USH2A: variants seen among roughly 807,000 people sequenced by gnomAD.
USH2A encodes the protein usherin, also known as Usher syndrome 2A (autosomal recessive, mild).
In USH2A, 443 loss-of-function variants were observed where a neutral mutation model predicts 538.9. The observed-to-expected ratio is 0.82, with a 90% CI of 0.76 to 0.89. USH2A has a LOEUF of 0.89. Among genes scored for constraint, USH2A ranks in the 40% least tolerant of loss-of-function variants. USH2A has a pLI of 0.00. For synonymous variants in USH2A, 2,413 were observed against 2,273.5 expected (o/e 1.06, Z -1.75); for missense variants, 6,633 against 6,324.8 (o/e 1.05, Z -1.65).
intron 4 of USH2A, among the ~76,000 whole-genome samples, chr1:216,339,005 T>C (rs2038025797): frequency 1.3e-5 from 2 of 151,618 alleles, no homozygotes; most frequent in African/African-American, 4.8e-5. Context: ...AAGCCTATGA[T>C]ACCTTTCACT....
chr1:215,835,263 G>C (rs1335716572), intron 47 of USH2A, among the ~76,000 whole-genome samples: 1 of 150,426 alleles, frequency 6.6e-6, no homozygotes, highest in Non-Finnish European at 1.5e-5. Context: ...CAGAGGACAA[G>C]TTGTTTTTAC....
chr1:215,968,004 G>A (rs1469857770), intron 36 of USH2A, among the ~76,000 whole-genome samples: 1 of 152,068 alleles, frequency 6.6e-6, no homozygotes. Flanking sequence ...GCTAAGTGGG[G>A]AGTAAGAAAG....
At chr1:215,894,049 A>G (rs543583448) in intron 40 of USH2A, among the ~76,000 whole-genome samples, 34 of 152,276 alleles carry the variant, frequency 2.2e-4, no homozygotes, top group Middle Eastern at 3.4e-3. Context: ...ATTTTTGATC[A>G]TGGGTCTTCT....
chr1:215,960,195 AAAT>A (rs1667165285), intron 37 of USH2A, among the ~76,000 whole-genome samples: 1 of 152,058 alleles, frequency 6.6e-6, no homozygotes, highest in Non-Finnish European at 1.5e-5. Context: ...AAGCTCTGTA[AAAT>A]AATGATGTAA....
intron 35 of USH2A, among the ~76,000 whole-genome samples, chr1:215,978,925 A>G (rs1667684598): frequency 6.6e-6 from 1 of 152,226 alleles, no homozygotes; most frequent in African/African-American, 2.4e-5. Flanking sequence ...GGTTCAGTAA[A>G]GGTATCCCAA....
chr1:215,723,016 T>C (rs573965434), intron 61 of USH2A, among the ~76,000 whole-genome samples: 1 of 152,274 alleles, frequency 6.6e-6, no homozygotes, highest in African/African-American at 2.4e-5. Flanking sequence ...AACTCCTGCA[T>C]GCCAAGCAAG....
intron 3 of USH2A, among the ~76,000 whole-genome samples, chr1:216,401,663 T>C (rs2039307449): frequency 6.6e-6 from 1 of 151,980 alleles, no homozygotes; most frequent in East Asian, 1.9e-4. Context: ...AACTATCAAA[T>C]AGCATAGATT....
chr1:216,323,740 T>C, intron 7 of USH2A, 45 bp from the exon 8 acceptor site: 1 of 1,595,046 alleles, frequency 6.3e-7, no homozygotes, highest in South Asian at 1.1e-5. Context: ...TATTCACATT[T>C]TTGGCAAAAC....
intron 11 of USH2A, among the ~76,000 whole-genome samples, chr1:216,279,151 G>T (rs2036724802): frequency 6.6e-6 from 1 of 151,894 alleles, no homozygotes; most frequent in African/African-American, 2.4e-5. Context: ...GCTTTATTGA[G>T]CATTACAATC....
chr1:215,955,087 T>C (rs1016267916), intron 37 of USH2A, among the ~76,000 whole-genome samples: 1 of 152,188 alleles, frequency 6.6e-6, no homozygotes, highest in Admixed American at 6.5e-5. Context: ...CTTAGTTATA[T>C]ATACTTTTAC....
At chr1:215,996,611 T>C (rs1053525735) in intron 34 of USH2A, among the ~76,000 whole-genome samples, 4 of 128,590 alleles carry the variant, frequency 3.1e-5, no homozygotes, top group African/African-American at 1.1e-4. Context: ...GGAAAGAGTA[T>C]GTTTTGGAAC....
chr1:216,163,876 T>A (rs2034116725), intron 21 of USH2A, among the ~76,000 whole-genome samples: 1 of 152,028 alleles, frequency 6.6e-6, no homozygotes, highest in South Asian at 2.1e-4. Flanking sequence ...CCTACATGGT[T>A]TTTCTTATAT....
intron 19 of USH2A, chr1:216,195,951 G>T (rs562923283): frequency 5.9e-6 from 1 of 170,464 alleles, no homozygotes; most frequent in South Asian, 2.0e-4. Context: ...ATTAGTTCAC[G>T]TACACAGTAA....
At chr1:215,773,112 C>A (rs2102754346) in intron 55 of USH2A, among the ~76,000 whole-genome samples, 1 of 152,096 alleles carries the variant, frequency 6.6e-6, no homozygotes, top group East Asian at 1.9e-4. Context: ...GTAAAAAGCC[C>A]CAAATAATTT....
Position 215,965,337 on chromosome 1 carries a change from C to A in USH2A, c.7100G>T (p.Gly2367Val). 1 of 1,613,414 alleles carries A rather than the reference C, an allele frequency of 6.2e-7. No homozygotes were observed. Among genetic ancestry groups the A allele is most frequent in the Non-Finnish European group, 8.5e-7 (1 of 1,179,698 alleles). Residue 2367 changes from glycine (G) to valine (V), a missense_variant, in exon 37 of 72, where the codon GGG becomes GTG. Physicochemically the swap from Gly to Val is moderately radical, Grantham distance 109. Coordinates refer to ENST00000307340, the MANE Select transcript of USH2A (RefSeq NM_206933.4). ...GLLTHSVLFTGIFYVDPVGNN... is the reference protein window; with the variant it reads ...GLLTHSVLFTVIFYVDPVGNN... ...ATTACCTGGGTCTACATAGAATATC[C>A]CAGTGAAAAGGACTGAGTGTGTTAA...
intron 61 of USH2A, among the ~76,000 whole-genome samples, chr1:215,709,328 T>C (rs566285472): frequency 1.3e-5 from 2 of 152,340 alleles, no homozygotes; most frequent in Non-Finnish European, 2.9e-5. Context: ...CTAGTACATA[T>C]TTTATAATTT....
At chr1:216,369,067 G>T (rs1462713403) in intron 3 of USH2A, among the ~76,000 whole-genome samples, 1 of 151,962 alleles carries the variant, frequency 6.6e-6, no homozygotes, top group Non-Finnish European at 1.5e-5. Flanking sequence ...CAAACAAAAA[G>T]AAAACCACTG....
intron 21 of USH2A, among the ~76,000 whole-genome samples, chr1:216,152,079 C>A (rs971921285): frequency 4.6e-5 from 7 of 152,146 alleles, no homozygotes; most frequent in Non-Finnish European, 1.0e-4. Context: ...CCACGCCGCC[C>A]CTAATCGCAC....
chr1:215,648,095 GT>G (rs1204391758), intron 66 of USH2A, among the ~76,000 whole-genome samples: 3 of 152,088 alleles, frequency 2.0e-5, no homozygotes, highest in African/African-American at 7.2e-5. Flanking sequence ...TTTGAGTCAA[GT>G]GTCTTCTTTT....
Sources: gnomAD v4.1 joint callset for allele counts (sites outside exome capture counted in the v4.1 genomes callset) on GRCh38, gnomAD v4.1.1 for gene constraint, MANE v1.5 for transcripts, NCBI Gene and HGNC (gene_info 2026-07-23, HGNC 2026-07-21) for gene names.